DTNBP1: variants seen among roughly 807,000 people sequenced by gnomAD.
DTNBP1 encodes the protein dystrobrevin binding protein 1, also known as dysbindin.
A neutral mutation model predicts 42.8 loss-of-function variants in DTNBP1; 35 were observed. The ratio of observed to expected loss-of-function variants is 0.82; its 90% CI spans 0.63 to 1.09. The LOEUF is 1.09. DTNBP1 is among the 50% of genes least tolerant of loss of function. The probability of loss-of-function intolerance (pLI) is 0.00; values close to 1 mark genes in which losing one functional copy is unlikely to be tolerated. For missense variants in DTNBP1, 457 were observed against 424.2 expected, an observed-to-expected ratio of 1.08 and a Z score of -0.68; for synonymous variants, 171 against 162.2, an observed-to-expected ratio of 1.05 and a Z score of -0.41.
In DTNBP1 at chr6:15,641,849, G is replaced by C. The variant is rs537695907; in HGVS notation, c.162-4045C>G. ...GCGTGGGCCATCCCTAAGTGGAAGA[G>C]AGTGCAGCCCATCAAAAGCACACCT... On this transcript the variant is annotated intron_variant, in intron 3 of 9. Coordinates refer to ENST00000344537, the MANE Select transcript of DTNBP1 (RefSeq NM_032122.5). Among the ~76,000 whole-genome samples, 3 of 152,300 alleles carry C rather than the reference G, an allele frequency of 2.0e-5. No individual in the cohort carries two copies. In the East Asian group the frequency reaches 5.8e-4, roughly 29 times the overall value.
Position 15,545,609 on chromosome 6 carries a change from TAGTC to T in DTNBP1, c.512-12218_512-12215del, listed in dbSNP as rs1773824267. On this transcript the variant is annotated intron_variant, in intron 7 of 9. Transcript: ENST00000344537. ...GGAATAATGGCAGTTTTTTTGCAGA[TAGTC>T]AGAATAAATAACTTTTACATAACAA... is the stretch of plus-strand genomic sequence containing the variant. 3.9e-5 allele frequency among the ~76,000 whole-genome samples: 6 copies of T among 152,274 alleles called. No individual in the cohort carries two copies. In the South Asian group the frequency reaches 1.2e-3, roughly 32 times the overall value.
chr6:15,530,398 T>G (rs1001380450), intron 8 of DTNBP1, among the ~76,000 whole-genome samples: 1 of 152,234 alleles, frequency 6.6e-6, no homozygotes, highest in Non-Finnish European at 1.5e-5. Context: ...ATTGGCGACA[T>G]GTGCCTGATT....
intron 9 of DTNBP1, chr6:15,523,724 C>A (rs912302444): frequency 1.6e-6 from 2 of 1,287,256 alleles, no homozygotes; most frequent in African/African-American, 3.0e-5. Flanking sequence ...CTTCCCCTGA[C>A]TCTGGGTGAG....
intron 8 of DTNBP1, among the ~76,000 whole-genome samples, chr6:15,525,287 G>T (rs754951892): frequency 1.3e-5 from 2 of 152,198 alleles, no homozygotes; most frequent in African/African-American, 2.4e-5. Flanking sequence ...CACTGAGCAC[G>T]GGATGCCCCA....
intron 1 of DTNBP1, among the ~76,000 whole-genome samples, chr6:15,659,867 T>C (rs1358867348): frequency 6.6e-6 from 1 of 152,126 alleles, no homozygotes; most frequent in East Asian, 1.9e-4. Flanking sequence ...ATGGGGTTTC[T>C]TTGTGTTGCC....
intron 7 of DTNBP1, among the ~76,000 whole-genome samples, chr6:15,569,353 A>AACCCCCCCCC (rs1775237368): frequency 7.9e-6 from 1 of 127,172 alleles, no homozygotes; most frequent in African/African-American, 3.0e-5. Context: ...GCCAGTTAAG[A>AACCCCCCCCC]CCCCCCCCCG....
intron 9 of DTNBP1, 72 bp from the exon 10 acceptor site, chr6:15,523,291 G>A: frequency 1.3e-6 from 2 of 1,589,380 alleles, no homozygotes; most frequent in East Asian, 4.5e-5. Flanking sequence ...GCCAACAGCT[G>A]TGGAATGTGC....
intron 8 of DTNBP1, among the ~76,000 whole-genome samples, chr6:15,532,629 G>T (rs1338932729): frequency 6.6e-6 from 1 of 150,744 alleles, no homozygotes; most frequent in Non-Finnish European, 1.5e-5. Flanking sequence ...AGAATTAAGG[G>T]CTATTTTTCT....
intron 7 of DTNBP1, among the ~76,000 whole-genome samples, chr6:15,548,709 A>C (rs1774035086): frequency 1.3e-5 from 2 of 152,244 alleles, no homozygotes; most frequent in Admixed American, 1.3e-4. Flanking sequence ...AGAAATATCT[A>C]AAAACTAAAC....
intron 6 of DTNBP1, among the ~76,000 whole-genome samples, chr6:15,604,842 C>T (rs904039224): frequency 1.2e-4 from 18 of 152,068 alleles, no homozygotes; most frequent in Non-Finnish European, 2.6e-4. Flanking sequence ...AGAATCAGGA[C>T]CCTTAAAATA....
chr6:15,645,238 G>A (rs896428503), intron 3 of DTNBP1, among the ~76,000 whole-genome samples: 1 of 151,662 alleles, frequency 6.6e-6, no homozygotes, highest in Non-Finnish European at 1.5e-5. Flanking sequence ...GAAAGAAATT[G>A]AAATTCTGAA....
chr6:15,554,555 A>G (rs1284339701), intron 7 of DTNBP1, among the ~76,000 whole-genome samples: 2 of 152,158 alleles, frequency 1.3e-5, no homozygotes, highest in Non-Finnish European at 2.9e-5. Context: ...CATCCTGACA[A>G]GCAGGGAAGC....
At chr6:15,656,421 C>T (rs1345370153) in intron 1 of DTNBP1, among the ~76,000 whole-genome samples, 1 of 152,222 alleles carries the variant, frequency 6.6e-6, no homozygotes, top group South Asian at 2.1e-4. Context: ...GCTCCAACGA[C>T]TTCACCTTAA....
chr6:15,583,083 T>TGATCC (rs1240425716), intron 7 of DTNBP1, among the ~76,000 whole-genome samples: 3 of 152,180 alleles, frequency 2.0e-5, no homozygotes, highest in Non-Finnish European at 4.4e-5. Context: ...GAGCCTCAAG[T>TGATCC]GATCCTTCCA....
intron 4 of DTNBP1, among the ~76,000 whole-genome samples, chr6:15,631,306 T>C (rs1759681292): frequency 6.6e-6 from 1 of 152,196 alleles, no homozygotes; most frequent in Non-Finnish European, 1.5e-5. Flanking sequence ...TGATGAGCTG[T>C]GGGTTTTACA....
intron 3 of DTNBP1, among the ~76,000 whole-genome samples, chr6:15,641,190 T>C (rs2252470): frequency 0.25 from 38,345 of 152,124 alleles, 5,598 homozygotes; most frequent in African/African-American, 0.4. Flanking sequence ...ACAGATGCAA[T>C]TGTTTTTTGT....
intron 8 of DTNBP1, among the ~76,000 whole-genome samples, chr6:15,531,849 G>C (rs567082387): frequency 1.3e-5 from 2 of 152,292 alleles, no homozygotes; most frequent in East Asian, 3.9e-4. Flanking sequence ...GGCCAGGATG[G>C]TCTCCATCTC....
intron 5 of DTNBP1, among the ~76,000 whole-genome samples, chr6:15,616,894 C>T (rs1758747236): frequency 6.6e-6 from 1 of 152,152 alleles, no homozygotes; most frequent in Non-Finnish European, 1.5e-5. Flanking sequence ...ACCAAAAAAA[C>T]TTTCAGAACT....
At chr6:15,548,204 C>A (rs530474855) in intron 7 of DTNBP1, 14 of 152,262 alleles carry the variant, frequency 9.2e-5, no homozygotes, top group Admixed American at 9.2e-4. Flanking sequence ...TCATCTTTGA[C>A]AGACTGGTAA....
Sources: gnomAD v4.1 joint callset for allele counts (sites outside exome capture counted in the v4.1 genomes callset) on GRCh38, gnomAD v4.1.1 for gene constraint, MANE v1.5 for transcripts, NCBI Gene and HGNC (gene_info 2026-07-23, HGNC 2026-07-21) for gene names.